Variants in IL1RL2 observed in about 807,000 individuals in gnomAD.
IL1RL2 encodes interleukin 1 receptor like 2.
IL1RL2 carries 68 observed loss-of-function variants against 66.8 expected under a neutral mutation model. The observed-to-expected ratio is 1.02, with a 90% CI of 0.84 to 1.25. The LOEUF (loss-of-function observed/expected upper bound fraction) is 1.25, where lower values mean the gene tolerates loss of function less well. Among genes scored for constraint, IL1RL2 ranks in the 50% most tolerant of loss-of-function variants. The probability of loss-of-function intolerance (pLI) is 0.00; values close to 1 mark genes in which losing one functional copy is unlikely to be tolerated. For missense variants in IL1RL2, 729 were observed against 709.3 expected, an observed-to-expected ratio of 1.03 and a Z score of -0.32; for synonymous variants, 305 against 264.6, an observed-to-expected ratio of 1.15 and a Z score of -1.48.
intron 11 of IL1RL2, among the ~76,000 whole-genome samples, chr2:102,237,069 A>G (rs1674946975): frequency 6.6e-6 from 1 of 152,138 alleles, no homozygotes; most frequent in East Asian, 1.9e-4. Flanking sequence ...TAAATAATTA[A>G]TTGCTAGAGA....
chr2:102,208,367 G>C (rs1248097833), intron 5 of IL1RL2, among the ~76,000 whole-genome samples: 1 of 152,186 alleles, frequency 6.6e-6, no homozygotes, highest in Non-Finnish European at 1.5e-5. Flanking sequence ...ACTTATTCAA[G>C]GTCACAAACC....
chr2:102,188,319 T>A (rs1000937782), intron 2 of IL1RL2, among the ~76,000 whole-genome samples: 4 of 152,160 alleles, frequency 2.6e-5, no homozygotes, highest in Non-Finnish European at 4.4e-5. Context: ...GCGCAGTGGC[T>A]CATGCCTGTA....
chr2:102,226,026 A>G lies in IL1RL2; in HGVS notation c.1120A>G (p.Thr374Ala), dbSNP rs1690579196. The G allele has an allele frequency of 6.2e-7, 1 of 1,600,574 alleles. No homozygotes were observed. Among genetic ancestry groups the G allele is most frequent in the East Asian group, 2.3e-5 (1 of 43,976 alleles). The change falls in exon 9 of 12, where the codon ACA (threonine) becomes GCA (alanine). Residue 374 changes from threonine to alanine, a missense_variant. Transcript: ENST00000264257. Reference sequence around the variant, plus strand: ...TTGGTATCGAAGTGCCTTCCATTCTACAGAGACCATAGTAGGTAAGTGTGT... The same window carrying G: ...TTGGTATCGAAGTGCCTTCCATTCTGCAGAGACCATAGTAGGTAAGTGTGT... ...VLWYRSAFHS[T>A]ETIVDGKLYD...
chr2:102,235,200 A>G lies in IL1RL2; in HGVS notation c.1601A>G (p.Tyr534Cys), dbSNP rs903188512. 1.9e-6 allele frequency: 3 copies of G among 1,614,208 alleles called. No individual in the cohort carries two copies. Among genetic ancestry groups the G allele is most frequent in the Non-Finnish European group, 2.5e-6 (3 of 1,180,020 alleles). The change falls in exon 11 of 12, where the codon TAC becomes TGC. Residue 534 changes from tyrosine to cysteine, a missense_variant. By Grantham distance (194) the Tyr-to-Cys change is radical. Transcript: ENST00000264257. The part of the protein sequence containing the change: ...MKTKFWKTVR[Y>C]HMPPRRCRPF... ...ACCAAGTTTTGGAAGACAGTGAGAT[A>G]CCACATGCCGCCCAGAAGGTGTCGG... is the stretch of plus-strand genomic sequence containing the variant.
In IL1RL2 at chr2:102,233,234, CAG is replaced by C. The variant is rs1466137116; in HGVS notation, c.1297+115_1297+116del. 3.7e-5 allele frequency: 41 copies of C among 1,093,722 alleles called. No homozygotes were observed. In the East Asian group the frequency reaches 5.1e-4, roughly 14 times the overall value. 67.8% of individuals were successfully genotyped at this position (1,093,722 alleles called of 1,614,324 possible). Reference sequence around the variant, plus strand: ...TCTGCCTGCCTTCCCCATGGAACCACAGAGAGTCTATGACCAGCGCCCCCTGC... The same window carrying C: ...TCTGCCTGCCTTCCCCATGGAACCACAGAGTCTATGACCAGCGCCCCCTGC... On this transcript the variant is annotated intron_variant, in intron 10 of 11. Transcript: ENST00000264257.
At chr2:102,224,353 C>A (rs1267583548) in intron 8 of IL1RL2, among the ~76,000 whole-genome samples, 1 of 152,186 alleles carries the variant, frequency 6.6e-6, no homozygotes, top group African/African-American at 2.4e-5. Context: ...TAAAGAAATT[C>A]TGTCATAGAT....
At chr2:102,206,961 G>A (rs36096940) in intron 5 of IL1RL2, among the ~76,000 whole-genome samples, 611 of 152,246 alleles carry the variant, frequency 4.0e-3, no homozygotes, top group African/African-American at 0.014. Flanking sequence ...ACCACAAGAC[G>A]TAGTCCTTCC....
At chr2:102,235,819 T>C in intron 11 of IL1RL2, 1 of 985,404 alleles carries the variant, frequency 1.0e-6, no homozygotes, top group Non-Finnish European at 1.2e-6. Context: ...GACAAAGAGC[T>C]GCAAACACAG....
In IL1RL2 at chr2:102,211,214, C is replaced by G. The variant is rs572857580; in HGVS notation, c.650-886C>G. Among the ~76,000 whole-genome samples the G allele has an allele frequency of 8.5e-4, 130 of 152,270 alleles. 1 individual carries two copies. The highest frequency in any genetic ancestry group is 3.0e-3 in the African/African-American group (126 of 41,544). ...TTTTTGCATTTTTCTTAGCTCCTCT[C>G]TTACAACTTTTCCATATCCCACTCC... On this transcript the variant is annotated intron_variant, in intron 5 of 11. Transcript: ENST00000264257.
chr2:102,207,510 C>T (rs1225505655), intron 5 of IL1RL2, among the ~76,000 whole-genome samples: 7 of 152,088 alleles, frequency 4.6e-5, no homozygotes, highest in Admixed American at 4.6e-4. Context: ...CCCCTTCTGG[C>T]CCATGGTATG....
At chr2:102,196,111 C>A (rs184821735) in intron 4 of IL1RL2, among the ~76,000 whole-genome samples, 1 of 152,266 alleles carries the variant, frequency 6.6e-6, no homozygotes, top group African/African-American at 2.4e-5. Flanking sequence ...GCTATTCTAA[C>A]TTCTGTTTCT....
intron 4 of IL1RL2, among the ~76,000 whole-genome samples, 166 bp from the exon 5 acceptor site, chr2:102,201,389 TG>T (rs1303735418): frequency 2.0e-5 from 3 of 152,206 alleles, no homozygotes; most frequent in Non-Finnish European, 2.9e-5. Context: ...GGAATTCTGC[TG>T]CCTATCTATC....
At position 102,234,908 on chromosome 2, in the gene IL1RL2, G is replaced by A; in HGVS notation, c.1309G>A (p.Val437Ile). The A allele has an allele frequency of 2.5e-6, 4 of 1,611,652 alleles. No homozygotes were observed. Among genetic ancestry groups the A allele is most frequent in the Non-Finnish European group, 3.4e-6 (4 of 1,177,886 alleles). The change falls in exon 11 of 12, where the codon GTC (valine) becomes ATC (isoleucine). Residue 437 changes from valine (V) to isoleucine (I), a missense_variant. Physicochemically the swap from Val to Ile is conservative, Grantham distance 29. Coordinates refer to ENST00000264257, the MANE Select transcript of IL1RL2 (RefSeq NM_003854.4). The stretch of plus-strand genomic sequence containing the variant: ...TTCTTTATTTCCAGCCGTGGCCAAT[G>A]TCATCGATGAAAACGTTAAGCTGTG... Reference protein sequence around the residue: ...DEFPGQAVANVIDENVKLCRR... With the variant: ...DEFPGQAVANIIDENVKLCRR...
At chr2:102,216,428 TG>T (rs1451456851) in intron 6 of IL1RL2, among the ~76,000 whole-genome samples, 1 of 152,192 alleles carries the variant, frequency 6.6e-6, no homozygotes, top group Non-Finnish European at 1.5e-5. Flanking sequence ...TCACTTTTCG[TG>T]TATATGTATC....
chr2:102,209,474 C>T (rs556264643), intron 5 of IL1RL2, among the ~76,000 whole-genome samples: 43 of 149,316 alleles, frequency 2.9e-4, no homozygotes, highest in African/African-American at 1.0e-3. Flanking sequence ...GGTCTCTAGG[C>T]AGAGAGAACA....
intron 6 of IL1RL2, among the ~76,000 whole-genome samples, chr2:102,214,016 T>G (rs1486000180): frequency 6.6e-6 from 1 of 152,198 alleles, no homozygotes; most frequent in South Asian, 2.1e-4. Context: ...TAGGCCCATA[T>G]GTTTTTAGGA....
At position 102,232,826 on chromosome 2, in the gene IL1RL2, C is replaced by A; in HGVS notation, c.1136-137C>A. 5 of 875,874 alleles carry A rather than the reference C, an allele frequency of 5.7e-6. No homozygotes were observed. The South Asian group carries it at 7.3e-5, about 13-fold the overall frequency. 54.3% of individuals were successfully genotyped at this position (875,874 alleles called of 1,614,324 possible). On this transcript the variant is annotated intron_variant, in intron 9 of 11. Transcript: ENST00000264257. ...GATGTCCCTTGGCAGCCCCTGGCAC[C>A]AAGTCAGCCAACTGGGCACTCAGAA...
chr2:102,195,649 T>TC (rs1559530498), intron 4 of IL1RL2, among the ~76,000 whole-genome samples: 461 of 19,922 alleles, frequency 0.023, 33 homozygotes, highest in Non-Finnish European at 0.039. Flanking sequence ...CTCTCTCTCT[T>TC]TCTTTCTTTC....
chr2:102,196,182 A>G (rs1444339023), intron 4 of IL1RL2, among the ~76,000 whole-genome samples: 5 of 152,090 alleles, frequency 3.3e-5, no homozygotes, highest in Non-Finnish European at 7.4e-5. Context: ...ATCGGATTTG[A>G]TCCTCTGGAT....
Sources: allele counts gnomAD v4.1 joint callset (sites outside exome capture counted in the v4.1 genomes callset), GRCh38; gene constraint gnomAD v4.1.1; transcripts MANE v1.5; gene names NCBI Gene and HGNC (gene_info 2026-07-23, HGNC 2026-07-21).